The following CNTN5 variants were observed in gnomAD, a reference collection of about 807,000 sequenced individuals.
CNTN5 encodes contactin-5.
In CNTN5, 77 loss-of-function variants were observed where a neutral mutation model predicts 129.1. The observed-to-expected ratio is 0.60, with a 90% confidence interval of 0.50 to 0.72. CNTN5 has a LOEUF of 0.72. Among genes scored for constraint, CNTN5 ranks in the 30% least tolerant of loss-of-function variants. The pLI is 0.00. For synonymous variants in CNTN5, 509 were observed against 465.6 expected (o/e 1.09, Z -1.20); for missense variants, 1,478 against 1,328.8 (o/e 1.11, Z -1.75).
intron 1 of CNTN5, among the ~76,000 whole-genome samples, chr11:99,296,270 G>A (rs1041367530): frequency 1.3e-5 from 2 of 152,036 alleles, no homozygotes; most frequent in African/African-American, 4.8e-5. Context: ...GAGTATGGAG[G>A]CACCCTTCTC....
At chr11:99,168,855 G>T (rs79788118) in intron 1 of CNTN5, among the ~76,000 whole-genome samples, 69 of 152,288 alleles carry the variant, frequency 4.5e-4, no homozygotes, top group African/African-American at 1.6e-3. Context: ...TTTTTCTTGG[G>T]AACATAGCAC....
intron 1 of CNTN5, among the ~76,000 whole-genome samples, chr11:99,261,415 T>A (rs914609680): frequency 5.3e-5 from 8 of 152,188 alleles, no homozygotes; most frequent in African/African-American, 1.9e-4. Flanking sequence ...CTTTTGAAGC[T>A]ATTGTATCTC....
chr11:99,141,516 T>C (rs891638908), intron 1 of CNTN5, among the ~76,000 whole-genome samples: 3 of 152,196 alleles, frequency 2.0e-5, no homozygotes, highest in Admixed American at 2.0e-4. Context: ...TTTTATTCAC[T>C]CAAGCTCTCA....
intron 6 of CNTN5, among the ~76,000 whole-genome samples, chr11:99,903,846 C>T (rs557621120): frequency 6.6e-6 from 1 of 152,168 alleles, no homozygotes; most frequent in South Asian, 2.1e-4. Flanking sequence ...ATCTGATTTA[C>T]AAATGGGCAA....
intron 3 of CNTN5, among the ~76,000 whole-genome samples, chr11:99,562,624 T>C (rs1948878772): frequency 6.6e-6 from 1 of 152,072 alleles, no homozygotes; most frequent in Non-Finnish European, 1.5e-5. Context: ...TAAAATATGA[T>C]GAGGGCCTGA....
chr11:100,173,355 C>T (rs1417290606), intron 13 of CNTN5, among the ~76,000 whole-genome samples: 2 of 152,126 alleles, frequency 1.3e-5, no homozygotes, highest in Non-Finnish European at 2.9e-5. Context: ...GCTCCTAGCA[C>T]TCATCCCCAG....
At chr11:100,253,327 C>T (rs886705866) in intron 16 of CNTN5, among the ~76,000 whole-genome samples, 2 of 152,082 alleles carry the variant, frequency 1.3e-5, no homozygotes, top group African/African-American at 2.4e-5. Flanking sequence ...CAAATAACTT[C>T]TCATTAGAAT....
intron 6 of CNTN5, among the ~76,000 whole-genome samples, chr11:99,885,793 A>C (rs531632804): frequency 6.6e-6 from 1 of 152,188 alleles, no homozygotes; most frequent in Non-Finnish European, 1.5e-5. Flanking sequence ...TCCAAGTGTA[A>C]TAGAGAATTG....
chr11:99,262,692 A>T (rs887119525), intron 1 of CNTN5, among the ~76,000 whole-genome samples: 2 of 151,598 alleles, frequency 1.3e-5, no homozygotes, highest in African/African-American at 2.4e-5. Context: ...ATTAATGTTT[A>T]AAATTATGTT....
chr11:99,358,924 A>G (rs190370007), intron 2 of CNTN5, among the ~76,000 whole-genome samples: 7 of 152,338 alleles, frequency 4.6e-5, no homozygotes, highest in Admixed American at 3.3e-4. Flanking sequence ...GCAAAATTAA[A>G]CAAAAACAAA....
chr11:100,255,786 A>C lies in CNTN5; in HGVS notation c.2032A>C (p.Ile678Leu), dbSNP rs1479770455. The change falls in exon 17 of 25, where the codon ATT (isoleucine) becomes CTT (leucine). Residue 678 changes from isoleucine to leucine, a missense_variant. Transcript: ENST00000524871. ...RGPPGPPGIV[I>L]VEEITESTAT... The stretch of plus-strand genomic sequence containing the variant: ...ACCCCCAGGCCCACCTGGGATAGTA[A>C]TTGTTGAGGAAATAACCGAAAGTAC... The C allele has an allele frequency of 9.9e-6, 16 of 1,613,738 alleles. No homozygotes were observed. The highest frequency in any genetic ancestry group is 1.4e-5 in the Non-Finnish European group (16 of 1,179,820).
chr11:100,280,029 A>G (rs1950601067), intron 18 of CNTN5, among the ~76,000 whole-genome samples: 2 of 150,856 alleles, frequency 1.3e-5, no homozygotes, highest in Non-Finnish European at 3.0e-5. Flanking sequence ...TTGTTTCAAG[A>G]AATTTTTCAA....
intron 3 of CNTN5, among the ~76,000 whole-genome samples, chr11:99,647,158 T>TTTATAACAAAA (rs1951995863): frequency 6.6e-6 from 1 of 152,126 alleles, no homozygotes; most frequent in Admixed American, 6.6e-5. Context: ...AGTTTTATAG[T>TTTATAACAAAA]TTCAAGTCTT....
chr11:100,353,431 T>C (rs1952458887), intron 24 of CNTN5, among the ~76,000 whole-genome samples: 1 of 151,630 alleles, frequency 6.6e-6, no homozygotes, highest in East Asian at 1.9e-4. Flanking sequence ...TGTTTTGCTG[T>C]ATGAAAGTAA....
At chr11:99,858,444 A>G (rs191490924) in intron 6 of CNTN5, among the ~76,000 whole-genome samples, 77 of 152,174 alleles carry the variant, frequency 5.1e-4, no homozygotes, top group African/African-American at 1.8e-3. Flanking sequence ...TTATTAAAGA[A>G]AATCTCTATG....
chr11:99,111,752 T>C (rs575588916), intron 1 of CNTN5, among the ~76,000 whole-genome samples: 1 of 152,066 alleles, frequency 6.6e-6, no homozygotes, highest in Non-Finnish European at 1.5e-5. Context: ...AAAAGTGTAC[T>C]AGCCTGCTGA....
rs921197701 is a variant in CNTN5 at position 100,153,894 on chromosome 11, A to G, written c.1581-37232A>G. Among the ~76,000 whole-genome samples the G allele has an allele frequency of 3.3e-5, 5 of 152,106 alleles. No individual in the cohort carries two copies. In the South Asian group the frequency reaches 8.3e-4, roughly 25 times the overall value. ...GCATATAAGTTTCAAATCTGTTAGTATAAGTTTCAAATCTGTTAGGTTTCA... is the reference window on the plus strand; with the variant it reads ...GCATATAAGTTTCAAATCTGTTAGTGTAAGTTTCAAATCTGTTAGGTTTCA... On this transcript the variant is annotated intron_variant, in intron 13 of 24. Transcript: ENST00000524871.
intron 1 of CNTN5, among the ~76,000 whole-genome samples, chr11:99,295,879 T>G (rs1177979283): frequency 2.8e-5 from 3 of 107,026 alleles, no homozygotes; most frequent in Non-Finnish European, 5.3e-5. Flanking sequence ...CGAGACTCCG[T>G]CTCAAAAAAA....
intron 1 of CNTN5, among the ~76,000 whole-genome samples, chr11:99,107,255 A>AACAT (rs370016306): frequency 6.6e-6 from 1 of 152,178 alleles, no homozygotes; most frequent in Non-Finnish European, 1.5e-5. Context: ...AAAATAGTGG[A>AACAT]ACATACATAC....
Sources: allele counts gnomAD v4.1 joint callset (sites outside exome capture counted in the v4.1 genomes callset), GRCh38; gene constraint gnomAD v4.1.1; transcripts MANE v1.5; gene names NCBI Gene and HGNC (gene_info 2026-07-23, HGNC 2026-07-21).